Variants in PHIP observed in about 807,000 individuals in gnomAD.
PHIP encodes PHIP subunit of CUL4-Ring ligase complex.
Under a neutral mutation model 236.8 loss-of-function variants are expected in PHIP, and 54 were observed. The ratio of observed to expected loss-of-function variants is 0.23; its 90% CI spans 0.18 to 0.29. The LOEUF is 0.29. Ranked by LOEUF, PHIP falls within the 10% of genes least tolerant of loss-of-function variation. The probability of loss-of-function intolerance (pLI) is 1.00; values close to 1 mark genes in which losing one functional copy is unlikely to be tolerated. For synonymous variants in PHIP, 756 were observed against 718.9 expected, an observed-to-expected ratio of 1.05 and a Z score of -0.83; for missense variants, 1,370 against 2,190.8, an observed-to-expected ratio of 0.63 and a Z score of 7.48.
intron 20 of PHIP, among the ~76,000 whole-genome samples, chr6:78,990,180 G>C (rs1416074064): frequency 6.6e-6 from 1 of 152,114 alleles, no homozygotes; most frequent in Non-Finnish European, 1.5e-5. Flanking sequence ...GACCTAAAAA[G>C]AAGTTTCACA....
At chr6:78,943,474 C>T (rs1582076449) in intron 39 of PHIP, among the ~76,000 whole-genome samples, 1 of 152,222 alleles carries the variant, frequency 6.6e-6, no homozygotes, top group South Asian at 2.1e-4. Flanking sequence ...ACTCTAAATT[C>T]AGTTCAGAAA....
intron 13 of PHIP, 33 bp downstream of exon 13, chr6:79,016,511 T>C (rs756868586): frequency 1.1e-5 from 15 of 1,328,812 alleles, no homozygotes; most frequent in Non-Finnish European, 1.4e-5. Context: ...AAAAAATCAA[T>C]ATATACATAA....
intron 6 of PHIP, among the ~76,000 whole-genome samples, chr6:79,056,877 A>G (rs987615767): frequency 6.6e-6 from 1 of 152,126 alleles, no homozygotes; most frequent in African/African-American, 2.4e-5. Context: ...AGAGATATAC[A>G]ATATTTACTC....
At chr6:78,974,364 C>T (rs1165091198) in intron 24 of PHIP, among the ~76,000 whole-genome samples, 15 of 151,620 alleles carry the variant, frequency 9.9e-5, no homozygotes, top group African/African-American at 3.4e-4. Context: ...ATCTCTGGGA[C>T]GCATTCAAAG....
At chr6:78,944,082 A>G (rs1255401198) in intron 39 of PHIP, among the ~76,000 whole-genome samples, 1 of 151,630 alleles carries the variant, frequency 6.6e-6, no homozygotes, top group Non-Finnish European at 1.5e-5. Flanking sequence ...TTTAAGTGAG[A>G]CGTGAAAGGC....
intron 17 of PHIP, 91 bp from the exon 18 acceptor site, chr6:78,998,482 C>T: frequency 1.1e-6 from 1 of 943,090 alleles, no homozygotes; most frequent in Non-Finnish European, 1.6e-6. Flanking sequence ...CAGAATTAAA[C>T]ATAAATGTTG....
chr6:78,940,610 G>T lies in PHIP; in HGVS notation c.*83C>A, dbSNP rs1486958693. 6.5e-5 allele frequency: 19 copies of T among 294,208 alleles called. No homozygotes were observed. In the East Asian group the frequency reaches 1.1e-3, roughly 17 times the overall value. The allele number at this position is 294,208 out of a possible 1,614,324, so 18.2% of individuals were successfully genotyped here. On this transcript the variant is annotated 3_prime_UTR_variant, in exon 40 of 40. Coordinates refer to ENST00000275034, the MANE Select transcript of PHIP (RefSeq NM_017934.7). ...TAACATTCCCTACTCCACCACAGCA[G>T]CAAGGAAGCAGAAGCCTTAGTTCTA... is the stretch of plus-strand genomic sequence containing the variant.
intron 23 of PHIP, among the ~76,000 whole-genome samples, chr6:78,982,433 C>A (rs1271778353): frequency 6.6e-6 from 1 of 152,010 alleles, no homozygotes. Flanking sequence ...CCACTTTATT[C>A]GCCTTGGGGT....
rs1562182124 is a variant in PHIP at position 79,017,402 on chromosome 6, T to C, written c.1096-16A>G. 3 of 1,587,480 alleles carry C rather than the reference T, an allele frequency of 1.9e-6. No homozygotes were observed. The highest frequency in any genetic ancestry group is 2.6e-6 in the Non-Finnish European group (3 of 1,163,516). ...CAACTTTGTCCTATATATAAACAAA[T>C]AAACAAAAAAGTGGGTGCTGAATAT... On this transcript the variant is annotated splice_polypyrimidine_tract_variant and intron_variant, in intron 11 of 39. Transcript: ENST00000275034.
chr6:78,994,373 C>G (rs1021440692), intron 19 of PHIP, among the ~76,000 whole-genome samples: 1 of 152,102 alleles, frequency 6.6e-6, no homozygotes, highest in Non-Finnish European at 1.5e-5. Flanking sequence ...GTCAGGAGAT[C>G]AAGACCATCC....
At chr6:78,974,070 T>C (rs144260424) in intron 24 of PHIP, among the ~76,000 whole-genome samples, 1,539 of 152,150 alleles carry the variant, frequency 0.01, 16 homozygotes, top group African/African-American at 0.03. Flanking sequence ...CAACAGAATA[T>C]ACATTTTTTT....
chr6:79,019,970 C>T (rs1028469034), intron 9 of PHIP, among the ~76,000 whole-genome samples: 10 of 152,066 alleles, frequency 6.6e-5, no homozygotes, highest in African/African-American at 2.2e-4. Flanking sequence ...GCCCTACTTA[C>T]TGTACATTTT....
In PHIP at chr6:78,945,476, T is replaced by C; in HGVS notation, c.4652A>G (p.His1551Arg). ...GKTILENSVK[H>R]SKALNTLSSP... Reference sequence around the variant, plus strand: ...GGAAAGAGTATTCAAAGCTTTGGAATGTTTCACAGAATTCTCTAGTACTAA... The same window carrying C: ...GGAAAGAGTATTCAAAGCTTTGGAACGTTTCACAGAATTCTCTAGTACTAA... Residue 1551 changes from histidine (H) to arginine (R), a missense_variant, in exon 39 of 40, where the codon CAT becomes CGT. Physicochemically the swap from His to Arg is conservative, Grantham distance 29. This residue lies in a region of PHIP where 309 missense variants were observed against 328.3 expected (regional missense o/e 0.94). Transcript: ENST00000275034. 1 of 1,607,828 alleles carries C rather than the reference T, an allele frequency of 6.2e-7. No homozygotes were observed. Among genetic ancestry groups the C allele is most frequent in the Non-Finnish European group, 8.5e-7 (1 of 1,174,432 alleles).
chr6:78,988,680 G>C (rs952532771), intron 20 of PHIP, among the ~76,000 whole-genome samples: 2 of 151,668 alleles, frequency 1.3e-5, no homozygotes, highest in Non-Finnish European at 2.9e-5. Flanking sequence ...CAAGTTAAAG[G>C]CTTATCATGG....
At chr6:79,036,607 A>C (rs982851796) in intron 7 of PHIP, among the ~76,000 whole-genome samples, 32 of 152,146 alleles carry the variant, frequency 2.1e-4, no homozygotes, top group Admixed American at 7.9e-4. Flanking sequence ...CATTACCATT[A>C]ATCTTTTTTC....
chr6:79,013,966 T>G (rs1770714774), intron 15 of PHIP, among the ~76,000 whole-genome samples: 1 of 151,576 alleles, frequency 6.6e-6, no homozygotes, highest in Non-Finnish European at 1.5e-5. Flanking sequence ...TATTTACAGG[T>G]GGCTTTTTAA....
Position 79,042,273 on chromosome 6 carries a change from T to C in PHIP, c.600+570A>G, listed in dbSNP as rs143192255. Reference sequence around the variant, plus strand: ...ACAGGTTACAAGAAACAATAACAAATAAACAAACCCAAAGAGGCTCTATAA... The same window carrying C: ...ACAGGTTACAAGAAACAATAACAAACAAACAAACCCAAAGAGGCTCTATAA... On this transcript the variant is annotated intron_variant, in intron 7 of 39. Transcript: ENST00000275034. Among the ~76,000 whole-genome samples, 267 of 151,990 alleles carry C rather than the reference T, an allele frequency of 1.8e-3. 1 individual carries two copies. The highest frequency in any genetic ancestry group is 6.1e-3 in the African/African-American group (253 of 41,516).
intron 27 of PHIP, among the ~76,000 whole-genome samples, chr6:78,967,656 A>C (rs1767231219): frequency 6.6e-6 from 1 of 152,206 alleles, no homozygotes. Flanking sequence ...TAACCCATAA[A>C]TTAGAATAAA....
intron 4 of PHIP, among the ~76,000 whole-genome samples, chr6:79,070,765 G>A (rs1473759523): frequency 6.6e-6 from 1 of 152,014 alleles, no homozygotes; most frequent in South Asian, 2.1e-4. Flanking sequence ...CACTCCTCCT[G>A]CACACTTTAA....
Sources: gnomAD v4.1 joint callset for allele counts (sites outside exome capture counted in the v4.1 genomes callset) on GRCh38, gnomAD v4.1.1 for gene constraint, gnomAD v4.1.1 regional missense constraint, MANE v1.5 for transcripts, NCBI Gene and HGNC (gene_info 2026-07-23, HGNC 2026-07-21) for gene names.